Variants in ZC3H3 observed in about 807,000 individuals in gnomAD.
ZC3H3 encodes the protein zinc finger CCCH domain-containing protein 3.
In ZC3H3, 36 loss-of-function variants were observed where a neutral mutation model predicts 77.3. The ratio of observed to expected loss-of-function variants is 0.47; its 90% CI spans 0.36 to 0.61. The LOEUF is 0.61. ZC3H3 is among the 20% of genes least tolerant of loss of function. ZC3H3 has a pLI of 0.00. For missense variants in ZC3H3, 1,331 were observed against 1,312.2 expected (o/e 1.01, Z -0.22); for synonymous variants, 626 against 555.2 (o/e 1.13, Z -1.79).
At chr8:143,465,884 G>A in intron 8 of ZC3H3, 36 bp from the exon 9 acceptor site, 1 of 1,597,020 alleles carries the variant, frequency 6.3e-7, no homozygotes, top group East Asian at 2.2e-5. Context: ...CCAGCAGGCA[G>A]CCACCCTCCA....
At chr8:143,537,566 G>A (rs193296061) in intron 2 of ZC3H3, among the ~76,000 whole-genome samples, 16 of 152,334 alleles carry the variant, frequency 1.1e-4, no homozygotes, top group African/African-American at 3.4e-4. Flanking sequence ...GCACAGACCC[G>A]TGGCCGGCAG....
chr8:143,527,665 C>T (rs148273955), intron 3 of ZC3H3, among the ~76,000 whole-genome samples: 9 of 152,298 alleles, frequency 5.9e-5, no homozygotes, highest in Non-Finnish European at 7.4e-5. Flanking sequence ...GATCTAACTG[C>T]TCTCATGCCC....
intron 3 of ZC3H3, among the ~76,000 whole-genome samples, chr8:143,516,970 G>C (rs543492657): frequency 4.6e-5 from 7 of 152,190 alleles, no homozygotes; most frequent in Non-Finnish European, 1.0e-4. Flanking sequence ...TGTCCCCCCC[G>C]TGTGGGATCC....
At position 143,530,578 on chromosome 8, in the gene ZC3H3, G is replaced by C. The variant is rs1358353788; in HGVS notation, c.1561+5679C>G. Reference sequence around the variant, plus strand: ...GGCCTGGCCTGGAGTGTACAGCCTGGACAGCATCCCTCTGCACAGGCCGGC... The same window carrying C: ...GGCCTGGCCTGGAGTGTACAGCCTGCACAGCATCCCTCTGCACAGGCCGGC... On this transcript the variant is annotated intron_variant, in intron 3 of 11. Coordinates refer to ENST00000262577, the MANE Select transcript of ZC3H3 (RefSeq NM_015117.3). This position sits in a 1 kb window ranked among gnomAD's most constrained non-coding sequence, Gnocchi z 4.3. Among the ~76,000 whole-genome samples, 2 of 152,068 alleles carry C rather than the reference G, an allele frequency of 1.3e-5. No homozygotes were observed. Among genetic ancestry groups the C allele is most frequent in the African/African-American group, 4.8e-5 (2 of 41,392 alleles).
At chr8:143,490,031 G>T (rs1027103738) in intron 4 of ZC3H3, among the ~76,000 whole-genome samples, 3 of 152,174 alleles carry the variant, frequency 2.0e-5, no homozygotes, top group Non-Finnish European at 4.4e-5. Flanking sequence ...AGGGTTCCAG[G>T]GAAACACCCT....
At chr8:143,520,679 T>A (rs1303751264) in intron 3 of ZC3H3, among the ~76,000 whole-genome samples, 3 of 152,172 alleles carry the variant, frequency 2.0e-5, no homozygotes, top group East Asian at 3.9e-4. Context: ...GTTCTAGGCC[T>A]TTCCACGTTT....
At chr8:143,453,123 T>A (rs1820028930) in intron 9 of ZC3H3, among the ~76,000 whole-genome samples, 1 of 152,206 alleles carries the variant, frequency 6.6e-6, no homozygotes, top group South Asian at 2.1e-4. Context: ...AGGGTCTCAC[T>A]CTCTTGCCTA....
chr8:143,510,680 C>A (rs1239617769), intron 3 of ZC3H3, among the ~76,000 whole-genome samples: 1 of 152,204 alleles, frequency 6.6e-6, no homozygotes, highest in Non-Finnish European at 1.5e-5. Context: ...CAAGAAGGAC[C>A]CAGGCAGAAA....
chr8:143,452,259 A>G (rs994128553), intron 9 of ZC3H3, among the ~76,000 whole-genome samples: 26 of 152,276 alleles, frequency 1.7e-4, no homozygotes, highest in Middle Eastern at 6.8e-3. Context: ...GAGTCAGTGG[A>G]GGCCATGTGG....
rs1396585840 is a variant in ZC3H3 at position 143,468,376 on chromosome 8, G to A, written c.2105+6C>T. 5 of 1,612,466 alleles carry A rather than the reference G, an allele frequency of 3.1e-6. No homozygotes were observed. Among genetic ancestry groups the A allele is most frequent in the Non-Finnish European group, 4.2e-6 (5 of 1,179,710 alleles). On this transcript the variant is annotated splice_donor_region_variant and intron_variant, in intron 7 of 11. Transcript: ENST00000262577. The stretch of plus-strand genomic sequence containing the variant: ...CCCCAGGCCCACAGCGAGGGCAGGA[G>A]GGCACCTGGTGCACACGGCCACCTT...
At chr8:143,465,689 C>T (rs200778305) in intron 9 of ZC3H3, 28 bp downstream of exon 9, 2 of 1,611,680 alleles carry the variant, frequency 1.2e-6, no homozygotes, top group African/African-American at 1.3e-5. Flanking sequence ...AGGAACCCCG[C>T]CCACTCGGGC....
chr8:143,479,071 G>A (rs996333057), intron 4 of ZC3H3, among the ~76,000 whole-genome samples: 8 of 152,230 alleles, frequency 5.3e-5, no homozygotes, highest in Admixed American at 1.3e-4. Flanking sequence ...GCTTCCTGGT[G>A]CTCAGCACAC....
rs139549683 is a variant in ZC3H3, at chr8:143,519,657, G to A, written c.1562-11758C>T. Among the ~76,000 whole-genome samples, 947 of 152,212 alleles carry A rather than the reference G, an allele frequency of 6.2e-3. 11 individuals are homozygous for A. Among genetic ancestry groups the A allele is most frequent in the Non-Finnish European group, 9.7e-3 (662 of 67,984 alleles). ...TGCCGTGCTGTGTGCGTGCACATGCGCCACAGCGGCCCACACAGCAGCACG... is the reference window on the plus strand; with the variant it reads ...TGCCGTGCTGTGTGCGTGCACATGCACCACAGCGGCCCACACAGCAGCACG... On this transcript the variant is annotated intron_variant, in intron 3 of 11. Transcript: ENST00000262577.
Position 143,465,772 on chromosome 8 carries a change from C to A in ZC3H3, c.2252G>T (p.Arg751Leu). ...GAAGTCGCTGCAGACCTCGGCCTTG[C>A]GGGACACGTACACGTGGCTATAGGG... ...NCPYSHVYVSRKAEVCSDFLK... is the reference protein window; with the variant it reads ...NCPYSHVYVSLKAEVCSDFLK... The change falls in exon 9 of 12, where the codon CGC becomes CTC. Residue 751 changes from arginine to leucine, a missense_variant. Physicochemically the swap from Arg to Leu is moderately radical, Grantham distance 102 (BLOSUM62 -2). Around this residue, in one of 3 missense-constraint regions of ZC3H3, gnomAD observed 104 missense variants for 159.7 expected, o/e 0.65. Transcript: ENST00000262577. 6.2e-7 allele frequency: 1 copy of A among 1,613,894 alleles called. No individual in the cohort carries two copies. Among genetic ancestry groups the A allele is most frequent in the Non-Finnish European group, 8.5e-7 (1 of 1,179,998 alleles).
At position 143,468,489 on chromosome 8, in the gene ZC3H3, C is replaced by T. The variant is rs1470481188; in HGVS notation, c.1998G>A (p.Arg666=). The T allele has an allele frequency of 6.2e-7, 1 of 1,608,480 alleles. No individual in the cohort carries two copies. Among genetic ancestry groups the T allele is most frequent in the East Asian group, 2.2e-5 (1 of 44,544 alleles). ...LAIIRQARQR[R]EKRKEYCMYY... is the part of the protein sequence containing the mutation. ...ACATGCAGTACTCCTTCCTCTTCTC[C>T]CTGCGCTGCCGCGCCTGCCGGATGA... The change falls in exon 7 of 12, where the codon AGG becomes AGA. Residue 666 remains arginine, a synonymous_variant. Coordinates refer to ENST00000262577, the MANE Select transcript of ZC3H3 (RefSeq NM_015117.3).
At chr8:143,445,795 C>A (rs1819851242) in intron 9 of ZC3H3, among the ~76,000 whole-genome samples, 1 of 152,124 alleles carries the variant, frequency 6.6e-6, no homozygotes, top group Non-Finnish European at 1.5e-5. Flanking sequence ...GGGACAGATG[C>A]CCATTCCACC....
At chr8:143,503,593 C>G (rs60564284) in intron 4 of ZC3H3, among the ~76,000 whole-genome samples, 2 of 141,956 alleles carry the variant, frequency 1.4e-5, no homozygotes, top group African/African-American at 5.3e-5. Flanking sequence ...GGCTCCACCA[C>G]CACCTCCCCC....
rs890277030 is a variant in ZC3H3, at chr8:143,491,124, A to G, written c.1716-15539T>C. ...CAGGCACCAACTGGCAGACACACAC[A>G]TATCCACGGCTGGGCAGATGGGGCA... On this transcript the variant is annotated intron_variant, in intron 4 of 11. Transcript: ENST00000262577. 2.6e-4 allele frequency among the ~76,000 whole-genome samples: 40 copies of G among 152,198 alleles called. 1 individual carries two copies. Among genetic ancestry groups the G allele is most frequent in the African/African-American group, 8.7e-4 (36 of 41,534 alleles).
rs143945824 is a variant in ZC3H3 at position 143,537,237 on chromosome 8, G to A, written c.1364+766C>T. 3.2e-3 allele frequency among the ~76,000 whole-genome samples: 480 copies of A among 152,314 alleles called. 2 individuals carry two copies. The highest frequency in any genetic ancestry group is 0.01 in the Middle Eastern group (3 of 294). ...AGGGTGGAGGCCGGGAGAGATGTGC[G>A]CCAAGCAAGTGAGTGACTCTGCCTG... is the stretch of plus-strand genomic sequence containing the variant. On this transcript the variant is annotated intron_variant, in intron 2 of 11. Transcript: ENST00000262577.
Sources: allele counts gnomAD v4.1 joint callset (sites outside exome capture counted in the v4.1 genomes callset), GRCh38; gene constraint gnomAD v4.1.1; regional missense constraint gnomAD v4.1.1; non-coding constraint Gnocchi (gnomAD v3.1); transcripts MANE v1.5; gene names NCBI Gene and HGNC (gene_info 2026-07-23, HGNC 2026-07-21).